Variants in MARCHF1 observed in about 807,000 individuals in gnomAD.
MARCHF1 encodes membrane associated ring-CH-type finger 1.
MARCHF1 carries 40 observed loss-of-function variants against 54.2 expected under a neutral mutation model. That is an observed-to-expected ratio of 0.74 (90% CI 0.57 to 0.96). The LOEUF (loss-of-function observed/expected upper bound fraction) is 0.96, where lower values mean the gene tolerates loss of function less well. MARCHF1 is among the 40% of genes least tolerant of loss of function. The pLI is 0.00. For missense variants in MARCHF1, 586 were observed against 656.5 expected (o/e 0.89, Z 1.17); for synonymous variants, 236 against 236.3 (o/e 1.00, Z 0.01).
intron 8 of MARCHF1, among the ~76,000 whole-genome samples, chr4:163,579,935 A>T (rs889102236): frequency 1.3e-5 from 2 of 152,164 alleles, no homozygotes; most frequent in Non-Finnish European, 2.9e-5. Context: ...GAATTAATTA[A>T]AAAGAATGCC....
intron 1 of MARCHF1, among the ~76,000 whole-genome samples, chr4:164,187,142 A>C (rs1730991349): frequency 6.6e-6 from 1 of 151,828 alleles, no homozygotes; most frequent in African/African-American, 2.4e-5. Context: ...AGTCTCCAAG[A>C]ATTTGGTATT....
chr4:163,900,357 A>AAAC (rs1750913072), intron 3 of MARCHF1, among the ~76,000 whole-genome samples: 1 of 151,688 alleles, frequency 6.6e-6, no homozygotes, highest in South Asian at 2.1e-4. Flanking sequence ...TTTTTAAAAA[A>AAAC]ACTCTCCAAT....
chr4:164,317,905 G>T (rs544196497), intron 1 of MARCHF1, among the ~76,000 whole-genome samples: 1 of 152,172 alleles, frequency 6.6e-6, no homozygotes, highest in East Asian at 1.9e-4. Flanking sequence ...GGTCAACTGT[G>T]TTTCATTCCT....
chr4:163,737,299 C>G (rs1406802532), intron 4 of MARCHF1, among the ~76,000 whole-genome samples: 10 of 79,570 alleles, frequency 1.3e-4, no homozygotes, highest in Non-Finnish European at 2.5e-4. Flanking sequence ...ATGTGCCATG[C>G]TGGTGCGCTG....
chr4:163,921,153 T>C (rs1258572283), intron 3 of MARCHF1, among the ~76,000 whole-genome samples: 1 of 152,148 alleles, frequency 6.6e-6, no homozygotes, highest in Admixed American at 6.5e-5. Context: ...AAGAAACTCA[T>C]ATGAGAAGAA....
intron 3 of MARCHF1, among the ~76,000 whole-genome samples, chr4:163,863,797 A>T (rs990647827): frequency 3.9e-5 from 6 of 152,002 alleles, no homozygotes. Context: ...ATACAAGATG[A>T]GCCTGGAGAA....
intron 4 of MARCHF1, among the ~76,000 whole-genome samples, chr4:163,807,886 T>C (rs1748270591): frequency 6.6e-6 from 1 of 152,168 alleles, no homozygotes; most frequent in Admixed American, 6.6e-5. Context: ...TTACCTTTAT[T>C]ATAAAATTGT....
intron 1 of MARCHF1, chr4:164,197,523 T>C: frequency 6.2e-7 from 1 of 1,613,534 alleles, no homozygotes; most frequent in Non-Finnish European, 8.5e-7. Flanking sequence ...TTCTCAACTT[T>C]AACTTTGGTA....
chr4:164,076,407 A>G (rs1383659692), intron 2 of MARCHF1, among the ~76,000 whole-genome samples: 1 of 152,200 alleles, frequency 6.6e-6, no homozygotes. Flanking sequence ...AATAAGAGCT[A>G]TTTATGACAA....
intron 2 of MARCHF1, among the ~76,000 whole-genome samples, chr4:164,065,425 C>CA (rs1481862767): frequency 6.6e-6 from 1 of 152,116 alleles, no homozygotes; most frequent in Admixed American, 6.5e-5. Context: ...GCAACTAAAG[C>CA]AAAAATTGAC....
At chr4:163,954,633 T>C (rs925171307) in intron 3 of MARCHF1, among the ~76,000 whole-genome samples, 68 of 152,222 alleles carry the variant, frequency 4.5e-4, no homozygotes, top group Non-Finnish European at 1.0e-4. Context: ...TATCTCATAC[T>C]TCTTCATAAA....
intron 8 of MARCHF1, among the ~76,000 whole-genome samples, chr4:163,564,332 T>C (rs933754571): frequency 6.6e-6 from 1 of 152,314 alleles, no homozygotes; most frequent in Admixed American, 6.5e-5. Flanking sequence ...TCCTCAATAA[T>C]GGATATGATA....
intron 2 of MARCHF1, among the ~76,000 whole-genome samples, chr4:164,075,701 T>C (rs1754962499): frequency 6.6e-6 from 1 of 152,266 alleles, no homozygotes; most frequent in African/African-American, 2.4e-5. Context: ...CTCTATTTGG[T>C]CTTTAGGACA....
intron 1 of MARCHF1, among the ~76,000 whole-genome samples, chr4:164,313,064 G>A (rs1439661870): frequency 6.6e-6 from 1 of 151,582 alleles, no homozygotes; most frequent in African/African-American, 2.4e-5. Flanking sequence ...GGCTGGGAGC[G>A]GTGGTGGCTC....
At chr4:164,245,443 C>T (rs1732917338) in intron 1 of MARCHF1, among the ~76,000 whole-genome samples, 1 of 152,144 alleles carries the variant, frequency 6.6e-6, no homozygotes, top group South Asian at 2.1e-4. Context: ...ATTGATGGGA[C>T]ATATCTCAAA....
chr4:163,923,187 G>A (rs12509273), intron 3 of MARCHF1, among the ~76,000 whole-genome samples: 116,256 of 152,070 alleles, frequency 0.76, 44,551 homozygotes, highest in East Asian at 0.9. Flanking sequence ...AAGATTAATG[G>A]AACTCACTTC....
intron 3 of MARCHF1, among the ~76,000 whole-genome samples, chr4:163,931,228 G>A (rs1235679552): frequency 1.3e-5 from 2 of 152,098 alleles, no homozygotes; most frequent in Non-Finnish European, 2.9e-5. Flanking sequence ...AATTTCTGTT[G>A]TTTAAGTCAC....
intron 4 of MARCHF1, among the ~76,000 whole-genome samples, chr4:163,819,279 C>T (rs1481950030): frequency 2.6e-5 from 4 of 152,090 alleles, no homozygotes; most frequent in African/African-American, 9.7e-5. Flanking sequence ...TCTTATCAAG[C>T]TGACTATCCA....
intron 1 of MARCHF1, among the ~76,000 whole-genome samples, chr4:164,323,775 C>T (rs1409417301): frequency 1.3e-5 from 2 of 151,556 alleles, no homozygotes; most frequent in Non-Finnish European, 3.0e-5. Context: ...ATCTGAATTA[C>T]CAAGCTGGAC....
Sources: gnomAD v4.1 joint callset for allele counts (sites outside exome capture counted in the v4.1 genomes callset) on GRCh38, gnomAD v4.1.1 for gene constraint, MANE v1.5 for transcripts, NCBI Gene and HGNC (gene_info 2026-07-23, HGNC 2026-07-21) for gene names.